The following MYO9B variants were observed in gnomAD, a reference collection of about 807,000 sequenced individuals.
MYO9B encodes the protein unconventional myosin-IXb.
Under a neutral mutation model 229.5 loss-of-function variants are expected in MYO9B, and 71 were observed. The observed-to-expected ratio is 0.31, with a 90% confidence interval of 0.26 to 0.38. The LOEUF is 0.38. Among genes scored for constraint, MYO9B ranks in the 10% least tolerant of loss-of-function variants. The pLI is 1.00. For synonymous variants in MYO9B, 1,185 were observed against 1,235.8 expected (o/e 0.96, Z 0.86); for missense variants, 2,255 against 2,920.5 (o/e 0.77, Z 5.25).
rs552743811 is a variant in MYO9B, at chr19:17,152,385, C to T, written c.936-259C>T. On this transcript the variant is annotated intron_variant, in intron 3 of 39. Transcript: ENST00000682292. ...CAGCCTAGCCAACATGGCAAAACCC[C>T]GCCTCTACTAAAAATACAAAAATTA... Among the ~76,000 whole-genome samples, 17 of 152,198 alleles carry T rather than the reference C, an allele frequency of 1.1e-4. No individual in the cohort carries two copies. The East Asian group carries it at 2.5e-3, about 22-fold the overall frequency.
At chr19:17,081,806 ATC>A (rs2057535853) in intron 1 of MYO9B, among the ~76,000 whole-genome samples, 1 of 122,878 alleles carries the variant, frequency 8.1e-6, no homozygotes, top group South Asian at 2.6e-4. Flanking sequence ...GTAAGATCCC[ATC>A]TCAAAAAAAA....
intron 3 of MYO9B, among the ~76,000 whole-genome samples, chr19:17,149,936 A>G (rs1230917765): frequency 6.6e-6 from 1 of 152,220 alleles, no homozygotes; most frequent in Non-Finnish European, 1.5e-5. Flanking sequence ...GTTTCCTCCT[A>G]GAAACGGACA....
rs933457272 is a variant in MYO9B, at chr19:17,213,083, G to C, written c.*773G>C. On this transcript the variant is annotated 3_prime_UTR_variant, in exon 40 of 40. Coordinates refer to ENST00000682292, the MANE Select transcript of MYO9B (RefSeq NM_004145.4). ...ACCCACCCCGTGTGACAGAATAGGA[G>C]CCAGCGACTCAGGACTGCTCACGGG... The C allele has an allele frequency of 1.3e-5, 2 of 152,326 alleles. No homozygotes were observed. Among genetic ancestry groups the C allele is most frequent in the African/African-American group, 4.8e-5 (2 of 41,468 alleles). The allele number at this position is 152,326 out of a possible 1,614,324, so 9.4% of individuals were successfully genotyped here.
Position 17,211,883 on chromosome 19 carries a change from G to C in MYO9B, c.6059-12G>C, listed in dbSNP as rs750331712. ...TGAAGCTGCAGTAACCCTGCCATCTGTCTCTCAAAAGGGCCCCCTGCGCCT... is the reference window on the plus strand; with the variant it reads ...TGAAGCTGCAGTAACCCTGCCATCTCTCTCTCAAAAGGGCCCCCTGCGCCT... On this transcript the variant is annotated splice_polypyrimidine_tract_variant and intron_variant, in intron 39 of 39. Transcript: ENST00000682292. 1 of 1,588,212 alleles carries C rather than the reference G, an allele frequency of 6.3e-7. No individual in the cohort carries two copies.
At chr19:17,134,330 C>T (rs2072239632) in intron 2 of MYO9B, among the ~76,000 whole-genome samples, 1 of 149,906 alleles carries the variant, frequency 6.7e-6, no homozygotes, top group Non-Finnish European at 1.5e-5. Context: ...TCAGCTTCAT[C>T]CATGTTGTTG....
chr19:17,192,969 G>A lies in MYO9B; in HGVS notation c.3035G>A (p.Trp1012Ter), dbSNP rs1331055260. ...TQAAVYLQAS[W>*]RGYWQRKLYR... is the part of the protein sequence containing the mutation. The stretch of plus-strand genomic sequence containing the variant: ...GCTGCCGTGTACCTCCAGGCCTCAT[G>A]GAGGGGCTACTGGCAGCGGAAGCTC... The change falls in exon 21 of 40, where the codon TGG becomes TAG. Residue 1012 changes from tryptophan (W) to a stop codon, truncating the protein, a stop_gained. Transcript: ENST00000682292. LOFTEE classifies it high-confidence loss of function. The A allele has an allele frequency of 6.5e-7, 1 of 1,529,330 alleles. No homozygotes were observed. Among genetic ancestry groups the A allele is most frequent in the Non-Finnish European group, 8.8e-7 (1 of 1,132,178 alleles). The allele number at this position is 1,529,330 out of a possible 1,614,324, so 94.7% of individuals were successfully genotyped here.
At chr19:17,201,889 C>G in intron 26 of MYO9B, 37 bp from the exon 27 acceptor site, 1 of 1,545,448 alleles carries the variant, frequency 6.5e-7, no homozygotes, top group Non-Finnish European at 8.9e-7. Flanking sequence ...GGTCCCCAGG[C>G]CTGAGGCACG....
chr19:17,167,807 C>T, intron 10 of MYO9B, 136 bp from the exon 11 acceptor site: 1 of 1,158,520 alleles, frequency 8.6e-7, no homozygotes, highest in Non-Finnish European at 1.2e-6. Context: ...AGCCACGCAT[C>T]AGTTTAAAAA....
chr19:17,086,332 G>A (rs963458139), intron 1 of MYO9B, among the ~76,000 whole-genome samples: 8 of 152,194 alleles, frequency 5.3e-5, no homozygotes, highest in East Asian at 3.9e-4. Context: ...CCCATTCCCC[G>A]CCCTCGCCTG....
chr19:17,181,624 G>C (rs562433398), intron 15 of MYO9B, among the ~76,000 whole-genome samples: 2 of 152,362 alleles, frequency 1.3e-5, no homozygotes, highest in South Asian at 2.1e-4. Context: ...AGCAGCCTCA[G>C]CTGACAAGAC....
intron 14 of MYO9B, among the ~76,000 whole-genome samples, chr19:17,179,576 G>A (rs1221854017): frequency 6.6e-6 from 1 of 151,392 alleles, no homozygotes; most frequent in Non-Finnish European, 1.5e-5. Context: ...ACAGGCATGC[G>A]CCACCATGCC....
intron 34 of MYO9B, 39 bp downstream of exon 34, chr19:17,206,823 C>T (rs755290358): frequency 1.3e-5 from 20 of 1,496,134 alleles, no homozygotes; most frequent in South Asian, 3.6e-5. Context: ...GGGTTAGGGT[C>T]GCATTGGGAA....
At chr19:17,158,210 T>C (rs2072558145) in intron 7 of MYO9B, among the ~76,000 whole-genome samples, 1 of 152,190 alleles carries the variant, frequency 6.6e-6, no homozygotes, top group South Asian at 2.1e-4. Context: ...CGTTCCATTA[T>C]TGGTACAGGA....
At chr19:17,088,929 T>A (rs1234003719) in intron 1 of MYO9B, among the ~76,000 whole-genome samples, 1 of 152,172 alleles carries the variant, frequency 6.6e-6, no homozygotes, top group African/African-American at 2.4e-5. Context: ...TAGGCTCAAG[T>A]AGCCTCCCAA....
At position 17,145,508 on chromosome 19, in the gene MYO9B, G is replaced by T; in HGVS notation, c.935+17G>T. Reference sequence around the variant, plus strand: ...CGTGAGAGGGTGAGGTGTCCCTGGGGTCCCCACTGGTGGGAGCTGGCCCCA... The same window carrying T: ...CGTGAGAGGGTGAGGTGTCCCTGGGTTCCCCACTGGTGGGAGCTGGCCCCA... On this transcript the variant is annotated intron_variant, in intron 3 of 39. Coordinates refer to ENST00000682292, the MANE Select transcript of MYO9B (RefSeq NM_004145.4). 2 of 1,607,370 alleles carry T rather than the reference G, an allele frequency of 1.2e-6. No individual in the cohort carries two copies. Among genetic ancestry groups the T allele is most frequent in the South Asian group, 2.2e-5 (2 of 90,952 alleles).
chr19:17,178,622 A>G (rs1455448003), intron 14 of MYO9B: 1 of 152,160 alleles, frequency 6.6e-6, no homozygotes, highest in Non-Finnish European at 1.5e-5. Context: ...TAATTCACAC[A>G]CGGTATCAGT....
At chr19:17,122,831 C>T (rs927902349) in intron 2 of MYO9B, among the ~76,000 whole-genome samples, 1 of 152,194 alleles carries the variant, frequency 6.6e-6, no homozygotes, top group African/African-American at 2.4e-5. Context: ...TGCAGTGGCT[C>T]ATGCCTGTAA....
chr19:17,177,339 A>G (rs1471874897), intron 14 of MYO9B, among the ~76,000 whole-genome samples: 1 of 125,482 alleles, frequency 8.0e-6, no homozygotes, highest in East Asian at 2.3e-4. Flanking sequence ...ACTTCCTTCT[A>G]TTTCATTGTG....
chr19:17,156,446 G>A (rs939963869), intron 6 of MYO9B, among the ~76,000 whole-genome samples: 1 of 152,170 alleles, frequency 6.6e-6, no homozygotes, highest in Non-Finnish European at 1.5e-5. Flanking sequence ...CTAGCCAGGT[G>A]CAGTGGCTCG....
Sources: gnomAD v4.1 joint callset for allele counts (sites outside exome capture counted in the v4.1 genomes callset) on GRCh38, gnomAD v4.1.1 for gene constraint, MANE v1.5 for transcripts, NCBI Gene and HGNC (gene_info 2026-07-23, HGNC 2026-07-21) for gene names.